Variants in FBXO33 observed in about 807,000 individuals in gnomAD.
FBXO33 encodes the protein F-box protein 33, also known as F-box only protein 33.
FBXO33 carries 22 observed loss-of-function variants against 46.3 expected under a neutral mutation model. The observed-to-expected ratio is 0.48, with a 90% CI of 0.34 to 0.68. FBXO33 has a LOEUF of 0.68. FBXO33 is among the 30% of genes least tolerant of loss of function. FBXO33 has a pLI of 0.01. For missense variants in FBXO33, 692 were observed against 708.8 expected (o/e 0.98, Z 0.27); for synonymous variants, 337 against 291.3 (o/e 1.16, Z -1.60).
rs1257895567 is a variant in FBXO33, at chr14:39,397,912, T to G, written c.*1604A>C. ...TTATAAGATAAAATCTCACCACATCTGGCATTTACACACACTGTGCCAGTG... is the reference window on the plus strand; with the variant it reads ...TTATAAGATAAAATCTCACCACATCGGGCATTTACACACACTGTGCCAGTG... On this transcript the variant is annotated 3_prime_UTR_variant, in exon 4 of 4. Coordinates refer to ENST00000298097, the MANE Select transcript of FBXO33 (RefSeq NM_203301.4). 2 of 152,648 alleles carry G rather than the reference T, an allele frequency of 1.3e-5. No individual in the cohort carries two copies. Among genetic ancestry groups the G allele is most frequent in the East Asian group, 3.8e-4 (2 of 5,198 alleles). 9.5% of individuals were successfully genotyped at this position (152,648 alleles called of 1,614,324 possible).
intron 1 of FBXO33, among the ~76,000 whole-genome samples, chr14:39,404,186 C>T (rs1051575636): frequency 3.9e-5 from 6 of 152,104 alleles, no homozygotes; most frequent in African/African-American, 7.2e-5. Flanking sequence ...TGAGGGCCTA[C>T]GAAGTACCAG....
intron 3 of FBXO33, among the ~76,000 whole-genome samples, chr14:39,400,922 G>T (rs1388515914): frequency 6.6e-6 from 1 of 152,188 alleles, no homozygotes; most frequent in African/African-American, 2.4e-5. Flanking sequence ...TAATTTCACT[G>T]ATTTTTTATG....
intron 1 of FBXO33, among the ~76,000 whole-genome samples, chr14:39,404,326 TC>T (rs576448572): frequency 5.6e-4 from 85 of 152,184 alleles, no homozygotes; most frequent in Middle Eastern, 3.4e-3. Flanking sequence ...TTTAAATGGA[TC>T]TTTTTTTTTG....
chr14:39,431,569 G>A lies in FBXO33; in HGVS notation c.594C>T (p.Asn198=), dbSNP rs1595990669. 6.2e-7 allele frequency: 1 copy of A among 1,612,136 alleles called. No individual in the cohort carries two copies. The highest frequency in any genetic ancestry group is 8.5e-7 in the Non-Finnish European group (1 of 1,180,016). The part of the protein sequence containing the change: ...LVLCVLVSIR[N]NRNLQKFSLF... ...GGGGCTCAGGGCAAGCCTACCTGTT[G>A]TTCCGGATGCTGACCAGCACGCAAA... The change falls in exon 1 of 4, where the codon AAC becomes AAT. Residue 198 remains asparagine (N), a synonymous_variant. Coordinates refer to ENST00000298097, the MANE Select transcript of FBXO33 (RefSeq NM_203301.4).
At chr14:39,429,841 G>C (rs1053068255) in intron 1 of FBXO33, among the ~76,000 whole-genome samples, 1 of 152,192 alleles carries the variant, frequency 6.6e-6, no homozygotes, top group African/African-American at 2.4e-5. Context: ...AATTGTAGGG[G>C]TAAGGAAGAG....
chr14:39,428,494 C>T (rs551729065), intron 1 of FBXO33, among the ~76,000 whole-genome samples: 3 of 151,980 alleles, frequency 2.0e-5, no homozygotes, highest in African/African-American at 4.8e-5. Context: ...GAGCCACCAC[C>T]CCTGGCCAAC....
chr14:39,411,927 G>A (rs2075425200), intron 1 of FBXO33, among the ~76,000 whole-genome samples: 1 of 152,114 alleles, frequency 6.6e-6, no homozygotes, highest in South Asian at 2.1e-4. Context: ...AAAGATATCT[G>A]ACATGATTTC....
At chr14:39,427,429 T>C (rs943773280) in intron 1 of FBXO33, among the ~76,000 whole-genome samples, 1 of 152,234 alleles carries the variant, frequency 6.6e-6, no homozygotes, top group Admixed American at 6.5e-5. Context: ...CAGTATATTT[T>C]AATATATTTA....
At chr14:39,417,189 G>A (rs1418928124) in intron 1 of FBXO33, among the ~76,000 whole-genome samples, 1 of 152,200 alleles carries the variant, frequency 6.6e-6, no homozygotes. Context: ...CCATCTGTAG[G>A]AGGCCACTCA....
intron 1 of FBXO33, among the ~76,000 whole-genome samples, chr14:39,419,685 T>A (rs1004942264): frequency 1.3e-5 from 2 of 152,210 alleles, no homozygotes; most frequent in African/African-American, 4.8e-5. Context: ...GAATAGCAAG[T>A]GAACTAAAGA....
intron 1 of FBXO33, among the ~76,000 whole-genome samples, chr14:39,414,876 C>T (rs138721572): frequency 6.6e-6 from 1 of 152,046 alleles, no homozygotes; most frequent in Non-Finnish European, 1.5e-5. Flanking sequence ...CCAGGCTGGT[C>T]TTAAACTCCT....
At position 39,432,124 on chromosome 14, in the gene FBXO33, C is replaced by A; in HGVS notation, c.39G>T (p.Pro13=). 8.1e-7 allele frequency: 1 copy of A among 1,241,608 alleles called. No homozygotes were observed. The highest frequency in any genetic ancestry group is 3.8e-5 in the South Asian group (1 of 25,978). The allele number at this position is 1,241,608 out of a possible 1,614,324, so 76.9% of individuals were successfully genotyped here. Residue 13 remains proline, a synonymous_variant, in exon 1 of 4, where the codon CCG becomes CCT. Transcript: ENST00000298097. ...LFLSVPQPRP[P]GARTRAGAAR... is the part of the protein sequence containing the mutation. ...CGGCCCCGGCTCGGGTTCGAGCTCC[C>A]GGCGGTCGGGGCTGCGGCACTGACA...
At chr14:39,429,908 T>C (rs1001230328) in intron 1 of FBXO33, among the ~76,000 whole-genome samples, 1 of 152,224 alleles carries the variant, frequency 6.6e-6, no homozygotes, top group Non-Finnish European at 1.5e-5. Context: ...ATTTTGCCTG[T>C]ATGTTATCCA....
intron 3 of FBXO33, among the ~76,000 whole-genome samples, chr14:39,400,094 A>C (rs546234344): frequency 1.3e-5 from 2 of 152,350 alleles, no homozygotes; most frequent in African/African-American, 4.8e-5. Flanking sequence ...TATACAAATA[A>C]ATTTTATAGC....
chr14:39,415,755 C>T (rs1436642259), intron 1 of FBXO33, among the ~76,000 whole-genome samples: 2 of 151,530 alleles, frequency 1.3e-5, no homozygotes, highest in African/African-American at 4.9e-5. Context: ...CAACCTCTGC[C>T]TCCTAGGTTC....
At chr14:39,406,010 C>G (rs2075395770) in intron 1 of FBXO33, among the ~76,000 whole-genome samples, 1 of 151,020 alleles carries the variant, frequency 6.6e-6, no homozygotes, top group African/African-American at 2.4e-5. Context: ...GGATATAAAA[C>G]TGTTCTTGTG....
In FBXO33 at chr14:39,399,785, A is replaced by G. The variant is rs1208138436; in HGVS notation, c.1399T>C (p.Tyr467His). 6.4e-7 allele frequency: 1 copy of G among 1,558,578 alleles called. No individual in the cohort carries two copies. The highest frequency in any genetic ancestry group is 8.7e-7 in the Non-Finnish European group (1 of 1,145,888). The change falls in exon 4 of 4, where the codon TAC (tyrosine) becomes CAC (histidine). Residue 467 changes from tyrosine (Y) to histidine (H), a missense_variant and splice_region_variant. Transcript: ENST00000298097. ...ATGAGGTTGTGTGCCCACACCGTGT[A>G]ACCTGAAAAATAAACAAAAGACAAC... Reference protein sequence around the residue: ...TKLSLLAIHGYTVWAHNLIAI... With the variant: ...TKLSLLAIHGHTVWAHNLIAI...
chr14:39,409,164 A>G (rs2075411595), intron 1 of FBXO33, among the ~76,000 whole-genome samples: 1 of 152,142 alleles, frequency 6.6e-6, no homozygotes, highest in Non-Finnish European at 1.5e-5. Flanking sequence ...CATTACCAAG[A>G]CCAATGCCAA....
Position 39,401,159 on chromosome 14 carries a change from T to C in FBXO33, c.1396+17A>G, listed in dbSNP as rs375501479. The C allele has an allele frequency of 2.6e-6, 4 of 1,554,108 alleles. No individual in the cohort carries two copies. The highest frequency in any genetic ancestry group is 2.8e-5 in the African/African-American group (2 of 72,676). ...GTCTAATTCCAGTATCAGATTACAA[T>C]GAACAAGATCACCTACCATGAATTG... is the stretch of plus-strand genomic sequence containing the variant. On this transcript the variant is annotated intron_variant, in intron 3 of 3. Transcript: ENST00000298097.
Sources: gnomAD v4.1 joint callset for allele counts (sites outside exome capture counted in the v4.1 genomes callset) on GRCh38, gnomAD v4.1.1 for gene constraint, MANE v1.5 for transcripts, NCBI Gene and HGNC (gene_info 2026-07-23, HGNC 2026-07-21) for gene names.